Variants in ITPR3 observed in about 807,000 individuals in gnomAD.
The protein encoded by ITPR3 is inositol 1,4,5-trisphosphate receptor type 3, also known as inositol 1,4,5-trisphosphate-gated calcium channel ITPR3.
In ITPR3, 173 loss-of-function variants were observed where a neutral mutation model predicts 293.2. The observed-to-expected ratio is 0.59, with a 90% CI of 0.52 to 0.67. The LOEUF is 0.67. Ranked by LOEUF, ITPR3 falls within the 30% of genes least tolerant of loss-of-function variation. The pLI is 0.00. For synonymous variants in ITPR3, 1,295 were observed against 1,444.4 expected (o/e 0.90, Z 2.35); for missense variants, 2,796 against 3,592.1 (o/e 0.78, Z 5.66).
At position 33,680,634 on chromosome 6, in the gene ITPR3, A is replaced by G. The variant is rs775331973; in HGVS notation, c.4430A>G (p.Asn1477Ser). 6.2e-6 allele frequency: 10 copies of G among 1,613,906 alleles called. No homozygotes were observed. In the South Asian group the frequency reaches 6.6e-5, roughly 11 times the overall value. The change falls in exon 33 of 58, where the codon AAC (asparagine) becomes AGC (serine). Residue 1477 changes from asparagine (N) to serine (S), a missense_variant. By Grantham distance (46) the Asn-to-Ser change is conservative (BLOSUM62 1). This residue lies in a region of ITPR3 where 344 missense variants were observed against 460.3 expected (regional missense o/e 0.75). Transcript: ENST00000605930. Reference protein sequence around the residue: ...YVLSVVLDTINAFFSSPFSEN... With the variant: ...YVLSVVLDTISAFFSSPFSEN... ...CTGAGCGTTGTGCTGGACACCATCAACGCCTTCTTCAGCTCCCCATTCTCT... is the reference window on the plus strand; with the variant it reads ...CTGAGCGTTGTGCTGGACACCATCAGCGCCTTCTTCAGCTCCCCATTCTCT...
In ITPR3 at chr6:33,685,432, A is replaced by T; in HGVS notation, c.5381A>T (p.Lys1794Met). 1 of 1,614,128 alleles carries T rather than the reference A, an allele frequency of 6.2e-7. No homozygotes were observed. The highest frequency in any genetic ancestry group is 2.2e-5 in the East Asian group (1 of 44,884). The change falls in exon 40 of 58, where the codon AAG becomes ATG. Residue 1794 changes from lysine (K) to methionine (M), a missense_variant. Lys to Met is a moderately conservative substitution (Grantham distance 95). Transcript: ENST00000605930. ...TTCAAGGTGCTGCACGACCGCATGA[A>T]GCGGGCCCAGCAGGAGACCAAGTCC... ...RFFKVLHDRMKRAQQETKSTV... is the reference protein window; with the variant it reads ...RFFKVLHDRMMRAQQETKSTV...
chr6:33,684,449 C>T lies in ITPR3; in HGVS notation c.5030C>T (p.Thr1677Ile). Residue 1677 changes from threonine (T) to isoleucine (I), a missense_variant, in exon 37 of 58, where the codon ACC becomes ATC. Thr to Ile is a moderately conservative substitution (Grantham distance 89). This residue lies in a region of ITPR3 where 704 missense variants were observed against 797.5 expected (regional missense o/e 0.88). Transcript: ENST00000605930. This position sits in a 1 kb window ranked among gnomAD's most constrained non-coding sequence, Gnocchi z 4.2. ...RTLQQMLLKK[T>I]KYGDRGNQLR... ...CTGCAGCAGATGCTGCTCAAGAAGA[C>T]CAAGTACGGGGACCGGGTGAGTGCC... The T allele has an allele frequency of 6.2e-7, 1 of 1,614,030 alleles. No homozygotes were observed. The highest frequency in any genetic ancestry group is 1.1e-5 in the South Asian group (1 of 91,068).
In ITPR3 at chr6:33,677,053, G is replaced by A; in HGVS notation, c.3486G>A (p.Gly1162=). The A allele has an allele frequency of 1.2e-6, 2 of 1,614,202 alleles. No homozygotes were observed. Among genetic ancestry groups the A allele is most frequent in the Non-Finnish European group, 8.5e-7 (1 of 1,180,046 alleles). The change falls in exon 27 of 58, where the codon GGG becomes GGA. Residue 1162 remains glycine (G), a synonymous_variant. Coordinates refer to ENST00000605930, the MANE Select transcript of ITPR3 (RefSeq NM_002224.4). ...AGGAGGGCTTTCTGCACCCACCAGGGGAGAAAAGCAGTGAGAACTACCAGA... is the reference window on the plus strand; with the variant it reads ...AGGAGGGCTTTCTGCACCCACCAGGAGAGAAAAGCAGTGAGAACTACCAGA... ...TDEEGFLHPP[G]EKSSENYQIV...
At position 33,655,976 on chromosome 6, in the gene ITPR3, G is replaced by A. The variant is rs1764297242; in HGVS notation, c.282+89G>A. On this transcript the variant is annotated intron_variant, in intron 3 of 57. Coordinates refer to ENST00000605930, the MANE Select transcript of ITPR3 (RefSeq NM_002224.4). The surrounding 1 kb of genome is among the most constrained non-coding windows in gnomAD (Gnocchi z 4.9). ...CGGTGCTGCTTGTCGGAGCCAGTAG[G>A]GGCTCTGTGGCTGAGCTGAGTGGTT... 10 of 1,536,954 alleles carry A rather than the reference G, an allele frequency of 6.5e-6. No homozygotes were observed. Among genetic ancestry groups the A allele is most frequent in the Non-Finnish European group, 8.9e-6 (10 of 1,123,252 alleles).
chr6:33,687,017 C>T lies in ITPR3; in HGVS notation c.5988C>T (p.Ala1996=), dbSNP rs1207509369. Residue 1996 remains alanine (A), a synonymous_variant, in exon 44 of 58, where the codon GCC becomes GCT. Transcript: ENST00000605930. The surrounding 1 kb of genome is among the most constrained non-coding windows in gnomAD (Gnocchi z 5.3). The part of the protein sequence containing the change: ...MDLVLQLKDN[A]SKLLLALMES... ...TCTGCCCCTCCACCCAGGACAATGC[C>T]TCCAAGCTGCTCCTGGCTCTGATGG... The T allele has an allele frequency of 6.2e-7, 1 of 1,613,768 alleles. No homozygotes were observed. The highest frequency in any genetic ancestry group is 1.3e-5 in the African/African-American group (1 of 74,882).
intron 28 of ITPR3, 50 bp from the exon 29 acceptor site, chr6:33,678,371 G>C (rs2274196): frequency 6.3e-7 from 1 of 1,598,958 alleles, no homozygotes. Flanking sequence ...CCAGGGCCTC[G>C]CCTCCCTCCT....
chr6:33,672,618 G>T lies in ITPR3; in HGVS notation c.2928+390G>T, dbSNP rs1378327909. Among the ~76,000 whole-genome samples, 1 of 152,148 alleles carries T rather than the reference G, an allele frequency of 6.6e-6. No homozygotes were observed. The highest frequency in any genetic ancestry group is 2.4e-5 in the African/African-American group (1 of 41,404). ...ATGCACATTCTCCGGCCCCACCCTA[G>T]ACCTACTGAGTCAGGAACACTGGAG... On this transcript the variant is annotated intron_variant, in intron 22 of 57. Transcript: ENST00000605930. This position sits in a 1 kb window ranked among gnomAD's most constrained non-coding sequence, Gnocchi z 5.0.
chr6:33,695,553 C>T lies in ITPR3; in HGVS notation c.7948-159C>T, dbSNP rs149064207. 738 of 676,196 alleles carry T rather than the reference C, an allele frequency of 1.1e-3. 3 individuals carry two copies. The highest frequency in any genetic ancestry group is 0.011 in the African/African-American group (604 of 56,030). The allele number at this position is 676,196 out of a possible 1,614,324, so 41.9% of individuals were successfully genotyped here. A position where few individuals can be genotyped will look rare whatever the true frequency, so the allele number is the denominator to read the frequency against. On this transcript the variant is annotated intron_variant, in intron 57 of 57. Coordinates refer to ENST00000605930, the MANE Select transcript of ITPR3 (RefSeq NM_002224.4). ...GAGAACAAGGGTTTGGTGCTGACAT[C>T]GACATCCTTAAAGCACCCCGAGGGG...
chr6:33,655,979 C>T lies in ITPR3; in HGVS notation c.282+92C>T. On this transcript the variant is annotated intron_variant, in intron 3 of 57. Coordinates refer to ENST00000605930, the MANE Select transcript of ITPR3 (RefSeq NM_002224.4). This position sits in a 1 kb window ranked among gnomAD's most constrained non-coding sequence, Gnocchi z 4.9. ...TGCTGCTTGTCGGAGCCAGTAGGGG[C>T]TCTGTGGCTGAGCTGAGTGGTTTCT... The T allele has an allele frequency of 5.2e-6, 8 of 1,534,404 alleles. No homozygotes were observed. The highest frequency in any genetic ancestry group is 7.1e-6 in the Non-Finnish European group (8 of 1,122,654).
At chr6:33,641,591 T>C (rs1036693729) in intron 2 of ITPR3, among the ~76,000 whole-genome samples, 7 of 152,022 alleles carry the variant, frequency 4.6e-5, no homozygotes, top group Admixed American at 4.6e-4. Context: ...GGAACTGCCC[T>C]GGCCCTGGAC....
At chr6:33,639,673 G>A (rs767567550) in intron 1 of ITPR3, among the ~76,000 whole-genome samples, 41 of 152,184 alleles carry the variant, frequency 2.7e-4, no homozygotes, top group Non-Finnish European at 5.1e-4. Context: ...TTAAATGCAG[G>A]AAGGGTGGCT....
chr6:33,690,290 T>C (rs1424561319), intron 51 of ITPR3, 92 bp downstream of exon 51: 5 of 1,190,688 alleles, frequency 4.2e-6, no homozygotes, highest in Non-Finnish European at 6.0e-6. Flanking sequence ...CACCAGTCTG[T>C]CTGTCCAGTC....
At chr6:33,640,411 C>T in intron 1 of ITPR3, 73 bp from the exon 2 acceptor site, 3 of 1,417,142 alleles carry the variant, frequency 2.1e-6, no homozygotes, top group East Asian at 4.8e-5. Context: ...CTGGCATCCC[C>T]TGCTCTAAGG....
At chr6:33,663,989 A>G in intron 11 of ITPR3, 109 bp downstream of exon 11, 1 of 1,374,540 alleles carries the variant, frequency 7.3e-7, no homozygotes, top group African/African-American at 1.4e-5. Flanking sequence ...GCGGTCCTTT[A>G]GCCTCTGGGG....
chr6:33,689,100 G>A, intron 49 of ITPR3, 138 bp from the exon 50 acceptor site: 1 of 1,014,050 alleles, frequency 9.9e-7, no homozygotes, highest in Non-Finnish European at 1.5e-6. Flanking sequence ...CAGGTGTAAT[G>A]GAGGAGGCTA....
Position 33,683,545 on chromosome 6 carries a change from T to C in ITPR3, c.4788+148T>C, listed in dbSNP as rs6915136. The C allele has an allele frequency of 0.14, 97,450 of 717,500 alleles. 7,638 individuals are homozygous for C. Among genetic ancestry groups the C allele is most frequent in the Non-Finnish European group, 0.16 (71,367 of 458,180 alleles). The allele number at this position is 717,500 out of a possible 1,614,324, so 44.4% of individuals were successfully genotyped here. ...GGGGCTGGTTGGCTTCTCTACACTC[T>C]GGGGCTGCTAAGGGCCGACCCAGCA... On this transcript the variant is annotated intron_variant, in intron 35 of 57. Coordinates refer to ENST00000605930, the MANE Select transcript of ITPR3 (RefSeq NM_002224.4). This position sits in a 1 kb window ranked among gnomAD's most constrained non-coding sequence, Gnocchi z 4.5.
intron 2 of ITPR3, among the ~76,000 whole-genome samples, chr6:33,644,359 G>A (rs1429243806): frequency 1.3e-5 from 2 of 151,604 alleles, no homozygotes; most frequent in African/African-American, 4.9e-5. Flanking sequence ...CTGACCTCAG[G>A]CAATCCGCCC....
At chr6:33,678,338 C>T (rs113451798) in intron 28 of ITPR3, 83 bp from the exon 29 acceptor site, 43,499 of 1,568,446 alleles carry the variant, frequency 0.028, 732 homozygotes, top group Non-Finnish European at 0.034. Context: ...GCCCGACCCA[C>T]CCCTGCTCCT....
chr6:33,650,250 G>T (rs1390454478), intron 2 of ITPR3, among the ~76,000 whole-genome samples: 1 of 152,240 alleles, frequency 6.6e-6, no homozygotes, highest in Non-Finnish European at 1.5e-5. Flanking sequence ...GGAGCACAGC[G>T]CAGTAGAAGC....
Sources: allele counts gnomAD v4.1 joint callset (sites outside exome capture counted in the v4.1 genomes callset), GRCh38; gene constraint gnomAD v4.1.1; regional missense constraint gnomAD v4.1.1; non-coding constraint Gnocchi (gnomAD v3.1); transcripts MANE v1.5; gene names NCBI Gene and HGNC (gene_info 2026-07-23, HGNC 2026-07-21).